Variants in FHIT observed in about 807,000 individuals in gnomAD.
The protein encoded by FHIT is fragile histidine triad diadenosine triphosphatase.
In FHIT, 19 loss-of-function variants were observed where a neutral mutation model predicts 17.9. The ratio of observed to expected loss-of-function variants is 1.06; its 90% confidence interval spans 0.74 to 1.56. The LOEUF (loss-of-function observed/expected upper bound fraction) is 1.56, where lower values mean the gene tolerates loss of function less well. Among genes scored for constraint, FHIT ranks in the 40% most tolerant of loss-of-function variants. The pLI is 0.00. For synonymous variants in FHIT, 81 were observed against 69.7 expected (o/e 1.16, Z -0.81); for missense variants, 248 against 189.2 (o/e 1.31, Z -1.82).
chr3:61,060,641 T>C lies in FHIT; in HGVS notation c.-163-18542A>G, dbSNP rs1460376266. Among the ~76,000 whole-genome samples the C allele has an allele frequency of 8.5e-5, 13 of 152,370 alleles. 1 individual carries two copies. In the East Asian group the frequency reaches 2.5e-3, roughly 29 times the overall value. On this transcript the variant is annotated intron_variant, in intron 2 of 9. Coordinates refer to ENST00000492590, the MANE Select transcript of FHIT (RefSeq NM_002012.4). ...TGCAAGTAAAGGCAATGTCCTGGAA[T>C]TGCCCTATGGCCCAAATGTGTGACT...
intron 3 of FHIT, among the ~76,000 whole-genome samples, chr3:60,999,911 T>A: frequency 6.6e-6 from 1 of 152,170 alleles, no homozygotes; most frequent in Middle Eastern, 3.2e-3. Context: ...GGTTCACAGA[T>A]GATGGCTTCT....
At chr3:60,077,721 C>CAT (rs1703084515) in intron 5 of FHIT, among the ~76,000 whole-genome samples, 1 of 101,422 alleles carries the variant, frequency 9.9e-6, no homozygotes, top group South Asian at 3.1e-4. Context: ...CACACACACA[C>CAT]ACACACACAT....
chr3:61,073,965 T>G (rs2034890669), intron 2 of FHIT, among the ~76,000 whole-genome samples: 1 of 152,212 alleles, frequency 6.6e-6, no homozygotes, highest in African/African-American at 2.4e-5. Context: ...CGGTTTATTC[T>G]TGATTTGGCA....
rs191585305 is a variant in FHIT at position 60,750,156 on chromosome 3, A to C, written c.-18+71763T>G. Among the ~76,000 whole-genome samples, 14 of 152,250 alleles carry C rather than the reference A, an allele frequency of 9.2e-5. No individual in the cohort carries two copies. In the East Asian group the frequency reaches 1.9e-3, roughly 21 times the overall value. On this transcript the variant is annotated intron_variant, in intron 4 of 9. Coordinates refer to ENST00000492590, the MANE Select transcript of FHIT (RefSeq NM_002012.4). ...GTGGGATGGAGGGCAATGGAGGAAG[A>C]GTTTTCAGGAGTGCATAGGATGAAC...
At chr3:60,920,163 A>G (rs1166516993) in intron 3 of FHIT, among the ~76,000 whole-genome samples, 3 of 152,200 alleles carry the variant, frequency 2.0e-5, no homozygotes, top group African/African-American at 7.2e-5. Context: ...AGTATCCACT[A>G]TAAGGCTGGT....
At chr3:59,754,927 A>T (rs1485466214) in intron 8 of FHIT, among the ~76,000 whole-genome samples, 2 of 152,130 alleles carry the variant, frequency 1.3e-5, no homozygotes, top group Non-Finnish European at 2.9e-5. Context: ...CACTGTAATC[A>T]TCTAGGAAGC....
At chr3:60,149,811 G>C (rs1700385245) in intron 5 of FHIT, among the ~76,000 whole-genome samples, 2 of 116,858 alleles carry the variant, frequency 1.7e-5, no homozygotes, top group South Asian at 6.2e-4. Context: ...ATAGAGATTT[G>C]CTGTGGGATA....
At chr3:60,689,043 A>G (rs1451298813) in intron 4 of FHIT, among the ~76,000 whole-genome samples, 2 of 152,068 alleles carry the variant, frequency 1.3e-5, no homozygotes, top group Admixed American at 6.5e-5. Context: ...CAATTGAATC[A>G]TGGGGGGTGG....
chr3:60,440,460 G>A (rs1178163997), intron 5 of FHIT, among the ~76,000 whole-genome samples: 1 of 152,128 alleles, frequency 6.6e-6, no homozygotes, highest in Admixed American at 6.6e-5. Context: ...AATAATAAGA[G>A]AGGCCACCAA....
intron 7 of FHIT, among the ~76,000 whole-genome samples, chr3:60,004,432 G>T (rs1699844735): frequency 6.6e-6 from 1 of 152,104 alleles, no homozygotes; most frequent in Admixed American, 6.6e-5. Flanking sequence ...ATATAATTCT[G>T]CCATAAATTG....
intron 5 of FHIT, among the ~76,000 whole-genome samples, chr3:60,115,999 C>A (rs1704940881): frequency 6.6e-6 from 1 of 152,124 alleles, no homozygotes; most frequent in Admixed American, 6.5e-5. Context: ...TATTTCTCTC[C>A]ATTTTTCAAA....
chr3:59,983,952 A>T (rs1708771181), intron 7 of FHIT, among the ~76,000 whole-genome samples: 1 of 105,098 alleles, frequency 9.5e-6, no homozygotes, highest in African/African-American at 2.7e-5. Flanking sequence ...TACTGAAGTG[A>T]TAGGGCAAAG....
intron 4 of FHIT, among the ~76,000 whole-genome samples, chr3:60,675,170 T>G (rs1228514735): frequency 3.9e-5 from 6 of 152,236 alleles, no homozygotes; most frequent in Admixed American, 3.9e-4. Context: ...ATACATTTTA[T>G]CTAATTTTAT....
At chr3:61,084,647 T>G (rs1427701115) in intron 2 of FHIT, among the ~76,000 whole-genome samples, 3 of 152,238 alleles carry the variant, frequency 2.0e-5, no homozygotes, top group Non-Finnish European at 2.9e-5. Context: ...TTTTAAGTGG[T>G]AACTTTTTAA....
chr3:60,961,985 T>A (rs1281992659), intron 3 of FHIT, among the ~76,000 whole-genome samples: 2 of 152,238 alleles, frequency 1.3e-5, no homozygotes, highest in African/African-American at 2.4e-5. Flanking sequence ...GGTAGCTTGA[T>A]GGGGATGGCG....
chr3:59,974,245 A>C (rs1708310914), intron 7 of FHIT, among the ~76,000 whole-genome samples: 5 of 152,158 alleles, frequency 3.3e-5, no homozygotes. Context: ...AAGAGAAGGA[A>C]GAATAATAAA....
chr3:60,501,924 C>T (rs530121541), intron 5 of FHIT, among the ~76,000 whole-genome samples: 110 of 152,304 alleles, frequency 7.2e-4, no homozygotes, highest in African/African-American at 2.3e-3. Context: ...GGCATCTTTG[C>T]CATCCAGGCG....
chr3:60,280,936 T>C (rs1266282547), intron 5 of FHIT, among the ~76,000 whole-genome samples: 1 of 98,834 alleles, frequency 1.0e-5, no homozygotes, highest in African/African-American at 3.5e-5. Context: ...TGTAGAAAAA[T>C]CCTAAAAAAT....
At chr3:60,070,669 G>A (rs1390557950) in intron 5 of FHIT, among the ~76,000 whole-genome samples, 1 of 150,156 alleles carries the variant, frequency 6.7e-6, no homozygotes, top group Non-Finnish European at 1.5e-5. Flanking sequence ...AGAGGTCACA[G>A]GCAAACAGAG....
Sources: allele counts gnomAD v4.1 joint callset (sites outside exome capture counted in the v4.1 genomes callset), GRCh38; gene constraint gnomAD v4.1.1; transcripts MANE v1.5; gene names NCBI Gene and HGNC (gene_info 2026-07-23, HGNC 2026-07-21).